ADAM19: variants seen among roughly 807,000 people sequenced by gnomAD.
ADAM19 encodes disintegrin and metalloproteinase domain-containing protein 19.
ADAM19 carries 65 observed loss-of-function variants against 114.7 expected under a neutral mutation model. That is an observed-to-expected ratio of 0.57 (90% confidence interval 0.46 to 0.70). The LOEUF is 0.70. ADAM19 is among the 30% of genes least tolerant of loss of function. The probability of loss-of-function intolerance (pLI) is 0.00; values close to 1 mark genes in which losing one functional copy is unlikely to be tolerated. For missense variants in ADAM19, 1,063 were observed against 1,204.7 expected (o/e 0.88, Z 1.74); for synonymous variants, 466 against 460.5 (o/e 1.01, Z -0.15).
intron 11 of ADAM19, 82 bp from the exon 12 acceptor site, chr5:157,503,062 C>A: frequency 7.3e-7 from 1 of 1,378,140 alleles, no homozygotes; most frequent in East Asian, 2.3e-5. Flanking sequence ...GTCACTCCTG[C>A]TACCCGTGGG....
chr5:157,572,512 T>C (rs996928400), intron 1 of ADAM19, among the ~76,000 whole-genome samples: 3 of 152,166 alleles, frequency 2.0e-5, no homozygotes, highest in Non-Finnish European at 4.4e-5. Context: ...AAGATGGCCA[T>C]AGTTGTTCTG....
Position 157,507,117 on chromosome 5 carries a change from G to A in ADAM19, c.929C>T (p.Thr310Ile). 6.2e-7 allele frequency: 1 copy of A among 1,614,126 alleles called. No individual in the cohort carries two copies. The highest frequency in any genetic ancestry group is 8.5e-7 in the Non-Finnish European group (1 of 1,179,998). ...LITGMSFHGT[T>I]IGLAPLMAMC... ...GGCCATGAGGGGGGCCAGGCCGATG[G>A]TGGTGCCGTGGAAGGACATGCCCCT... Residue 310 changes from threonine (T) to isoleucine (I), a missense_variant, in exon 10 of 23, where the codon ACC becomes ATC. Physicochemically the swap from Thr to Ile is moderately conservative, Grantham distance 89. Coordinates refer to ENST00000257527, the MANE Select transcript of ADAM19 (RefSeq NM_033274.5).
chr5:157,500,068 C>T (rs1215642619), intron 12 of ADAM19, among the ~76,000 whole-genome samples: 1 of 152,122 alleles, frequency 6.6e-6, no homozygotes, highest in East Asian at 1.9e-4. Context: ...CATGAACCAC[C>T]GCACCTGGCC....
intron 3 of ADAM19, 96 bp downstream of exon 3, chr5:157,564,277 T>A: frequency 1.7e-6 from 2 of 1,146,704 alleles, no homozygotes; most frequent in Non-Finnish European, 2.6e-6. Context: ...TTGGGGTCAC[T>A]CCATTGACTG....
intron 5 of ADAM19, among the ~76,000 whole-genome samples, chr5:157,520,608 G>T (rs112799586): frequency 6.6e-6 from 1 of 152,112 alleles, no homozygotes; most frequent in Non-Finnish European, 1.5e-5. Context: ...CTCTCCAAGC[G>T]TCAGTTTCCT....
chr5:157,490,773 T>A (rs890382707), intron 18 of ADAM19, among the ~76,000 whole-genome samples: 4 of 151,694 alleles, frequency 2.6e-5, no homozygotes, highest in Admixed American at 2.0e-4. Context: ...ATGCCTGTAG[T>A]CTCAGCTACT....
At chr5:157,527,492 A>G (rs919462340) in intron 5 of ADAM19, among the ~76,000 whole-genome samples, 4 of 152,078 alleles carry the variant, frequency 2.6e-5, no homozygotes, top group Admixed American at 6.5e-5. Context: ...TTACAGGCGT[A>G]AGCCACCGCA....
intron 7 of ADAM19, among the ~76,000 whole-genome samples, chr5:157,514,310 C>A (rs1464307072): frequency 6.6e-6 from 1 of 151,074 alleles, no homozygotes; most frequent in African/African-American, 2.4e-5. Flanking sequence ...GAGACTGCAT[C>A]GATTCAATCA....
intron 2 of ADAM19, among the ~76,000 whole-genome samples, chr5:157,565,462 T>C (rs923465957): frequency 1.3e-5 from 2 of 152,226 alleles, no homozygotes; most frequent in Non-Finnish European, 2.9e-5. Context: ...CTCACGCCTG[T>C]AATCCCAGCA....
intron 2 of ADAM19, chr5:157,568,517 A>C (rs956593878): frequency 3.9e-5 from 6 of 152,188 alleles, no homozygotes; most frequent in African/African-American, 9.7e-5. Context: ...TCTCCTATGA[A>C]GTACAGTAAG....
chr5:157,570,010 A>G (rs1459660787), intron 2 of ADAM19, among the ~76,000 whole-genome samples: 2 of 152,220 alleles, frequency 1.3e-5, no homozygotes, highest in African/African-American at 4.8e-5. Flanking sequence ...CTGTAATCCC[A>G]ACACTTTGAG....
At chr5:157,526,515 C>T (rs1299371012) in intron 5 of ADAM19, among the ~76,000 whole-genome samples, 2 of 152,172 alleles carry the variant, frequency 1.3e-5, no homozygotes, top group Admixed American at 6.5e-5. Context: ...GTCAGAGACA[C>T]CTTAACCCAG....
chr5:157,547,250 C>G (rs1757073960), intron 3 of ADAM19, among the ~76,000 whole-genome samples: 1 of 152,186 alleles, frequency 6.6e-6, no homozygotes, highest in South Asian at 2.1e-4. Context: ...AAAGAGGTGG[C>G]TTGTCCAAGG....
At chr5:157,492,299 A>G (rs1006778415) in intron 16 of ADAM19, among the ~76,000 whole-genome samples, 1 of 152,166 alleles carries the variant, frequency 6.6e-6, no homozygotes, top group South Asian at 2.1e-4. Flanking sequence ...CTTAAAAGAA[A>G]AAAAGTATGA....
intron 4 of ADAM19, among the ~76,000 whole-genome samples, chr5:157,537,337 A>C (rs570169736): frequency 6.6e-6 from 1 of 152,336 alleles, no homozygotes; most frequent in South Asian, 2.1e-4. Context: ...CATCTGAAAG[A>C]CCATTTTCTA....
intron 13 of ADAM19, among the ~76,000 whole-genome samples, chr5:157,499,304 T>A (rs991669184): frequency 5.9e-5 from 9 of 151,608 alleles, no homozygotes; most frequent in African/African-American, 2.2e-4. Flanking sequence ...TCAAGCCCAC[T>A]CTCTCTGGAT....
At chr5:157,549,912 C>T (rs767626177) in intron 3 of ADAM19, among the ~76,000 whole-genome samples, 5 of 152,112 alleles carry the variant, frequency 3.3e-5, no homozygotes, top group African/African-American at 7.2e-5. Flanking sequence ...AATGTAATAC[C>T]ATATAGCAAT....
rs115457891 is a variant in ADAM19, at chr5:157,485,994, G to A, written c.2550+2271C>T. ...TCCTCGTCATTGCCTGGCCCAGAGT[G>A]CAGGTGCATAAGCCGGTTTAGAATA... On this transcript the variant is annotated intron_variant, in intron 21 of 22. Transcript: ENST00000257527. Among the ~76,000 whole-genome samples the A allele has an allele frequency of 9.5e-3, 1,453 of 152,322 alleles. 32 individuals are homozygous for A. Among genetic ancestry groups the A allele is most frequent in the African/African-American group, 0.033 (1,353 of 41,572 alleles).
In ADAM19 at chr5:157,480,796, G is replaced by C; in HGVS notation, c.*153C>G. ...TCCAAGGAAGCCGAGGAGGCACTGA[G>C]TCAACAGGGAGATTTTTGGAGATGT... On this transcript the variant is annotated 3_prime_UTR_variant, in exon 23 of 23. Coordinates refer to ENST00000257527, the MANE Select transcript of ADAM19 (RefSeq NM_033274.5). 6.8e-7 allele frequency: 1 copy of C among 1,474,438 alleles called. No individual in the cohort carries two copies. The highest frequency in any genetic ancestry group is 8.9e-7 in the Non-Finnish European group (1 of 1,118,940). The allele number at this position is 1,474,438 out of a possible 1,614,324, so 91.3% of individuals were successfully genotyped here.
Sources: gnomAD v4.1 joint callset for allele counts (sites outside exome capture counted in the v4.1 genomes callset) on GRCh38, gnomAD v4.1.1 for gene constraint, MANE v1.5 for transcripts, NCBI Gene and HGNC (gene_info 2026-07-23, HGNC 2026-07-21) for gene names.